Variants in ARMCX5 observed in about 807,000 individuals in gnomAD.
ARMCX5 encodes the protein armadillo repeat containing X-linked 5, also known as armadillo repeat-containing X-linked protein 5.
Under a neutral mutation model 7.5 loss-of-function variants are expected in ARMCX5, and 1 was observed. The ratio of observed to expected loss-of-function variants is 0.13; its 90% CI spans 0.05 to 0.63. The LOEUF (loss-of-function observed/expected upper bound fraction) is 0.63, where lower values mean the gene tolerates loss of function less well. Ranked by LOEUF, ARMCX5 falls within the 30% of genes least tolerant of loss-of-function variation. The pLI, the probability that ARMCX5 is intolerant of heterozygous loss-of-function variation, is 0.86. For synonymous variants in ARMCX5, 149 were observed against 145.7 expected, an observed-to-expected ratio of 1.02 and a Z score of -0.16; for missense variants, 346 against 402.2, an observed-to-expected ratio of 0.86 and a Z score of 1.19.
Position 102,599,544 on chromosome X carries a change from G to A in ARMCX5, c.-725G>A, listed in dbSNP as rs746548618. ...CACTGCCGTTGTGGGTAACGCGGACGTGGAAGAACCTCGTCTGCGGAGGAA... is the reference window on the plus strand; with the variant it reads ...CACTGCCGTTGTGGGTAACGCGGACATGGAAGAACCTCGTCTGCGGAGGAA... On this transcript the variant is annotated 5_prime_UTR_variant, in exon 1 of 4. The change creates a new upstream start codon in the 5' untranslated region. Transcript: ENST00000473968. The A allele has an allele frequency of 2.7e-5, 3 of 110,348 alleles. No homozygotes were observed. In the Admixed American group the frequency reaches 2.9e-4, roughly 11 times the overall value. The allele number at this position is 110,348 out of a possible 1,213,427, so 9.1% of individuals were successfully genotyped here.
In ARMCX5 at chrX:102,603,953, A is replaced by G. The variant is rs1245170724; in HGVS notation, c.*135A>G. On this transcript the variant is annotated 3_prime_UTR_variant, in exon 4 of 4. Coordinates refer to ENST00000473968, the MANE Select transcript of ARMCX5 (RefSeq NM_001168478.2). Reference sequence around the variant, plus strand: ...GGAGGCAATTTTATGGATACCAATTAATCTTGAGATCCTGAACATGTGCTG... The same window carrying G: ...GGAGGCAATTTTATGGATACCAATTGATCTTGAGATCCTGAACATGTGCTG... The G allele has an allele frequency of 3.0e-5, 14 of 459,422 alleles. No individual in the cohort carries two copies. The East Asian group carries it at 5.0e-4, about 16-fold the overall frequency. The allele number at this position is 459,422 out of a possible 1,213,427, so 37.9% of individuals were successfully genotyped here.
chrX:102,603,896 A>G lies in ARMCX5; in HGVS notation c.*78A>G. ...AAACCAATGCATATTGTAATTATAA[A>G]TTCAATACTTATGTTTTCCATGTTG... On this transcript the variant is annotated 3_prime_UTR_variant, in exon 4 of 4. Coordinates refer to ENST00000473968, the MANE Select transcript of ARMCX5 (RefSeq NM_001168478.2). The G allele has an allele frequency of 1.6e-6, 1 of 640,785 alleles. No individual in the cohort carries two copies. The highest frequency in any genetic ancestry group is 3.5e-5 in the South Asian group (1 of 28,696). 52.8% of individuals were successfully genotyped at this position (640,785 alleles called of 1,213,427 possible).
In ARMCX5 at chrX:102,603,491, T is replaced by C; in HGVS notation, c.1350T>C (p.Phe450=). The C allele has an allele frequency of 8.3e-7, 1 of 1,209,976 alleles. No individual in the cohort carries two copies. Among genetic ancestry groups the C allele is most frequent in the Non-Finnish European group, 1.1e-6 (1 of 894,009 alleles). The part of the protein sequence containing the change: ...LLNKGSVKTK[F]YVLKVFSCLS... ...ACAAGGGAAGTGTCAAAACCAAGTT[T>C]TATGTTTTAAAAGTGTTTTCGTGTT... is the stretch of plus-strand genomic sequence containing the variant. Residue 450 remains phenylalanine, a synonymous_variant, in exon 4 of 4, where the codon TTT becomes TTC. Transcript: ENST00000473968.
intron 3 of ARMCX5, 52 bp downstream of exon 3, chrX:102,601,561 G>A (rs1261924817): frequency 8.8e-6 from 1 of 113,027 alleles, no homozygotes; most frequent in Non-Finnish European, 1.8e-5. Flanking sequence ...TGAGTGTGGG[G>A]ATTGCCTGGG....
chrX:102,603,455 C>T lies in ARMCX5; in HGVS notation c.1314C>T (p.Leu438=). 8.3e-7 allele frequency: 1 copy of T among 1,207,692 alleles called. No individual in the cohort carries two copies. Among genetic ancestry groups the T allele is most frequent in the Non-Finnish European group, 1.1e-6 (1 of 892,238 alleles). ...TTACCAGTTATATTCCAGATTTCCT[C>T]ACCTTGTTAAACAAGGGAAGTGTCA... The part of the protein sequence containing the change: ...YVITSYIPDF[L]TLLNKGSVKT... The change falls in exon 4 of 4, where the codon CTC becomes CTT. Residue 438 remains leucine, a synonymous_variant. Coordinates refer to ENST00000473968, the MANE Select transcript of ARMCX5 (RefSeq NM_001168478.2).
intron 2 of ARMCX5, 51 bp downstream of exon 2, chrX:102,601,083 A>T (rs2081034546): frequency 8.9e-6 from 1 of 111,987 alleles, no homozygotes; most frequent in African/African-American, 3.3e-5. Context: ...AGAGAATTCC[A>T]TCTCTTCTGT....
upstream of ARMCX5, chrX:102,599,374 G>C (rs1391486236): frequency 1.8e-5 from 2 of 110,926 alleles, no homozygotes; most frequent in Non-Finnish European, 3.8e-5. Flanking sequence ...TCCGGAATTC[G>C]TCCCTGCGCA....
Position 102,602,743 on chromosome X carries a change from C to G in ARMCX5, c.602C>G (p.Pro201Arg), listed in dbSNP as rs2081056620. 3 of 1,210,530 alleles carry G rather than the reference C, an allele frequency of 2.5e-6. No homozygotes were observed. In the East Asian group the frequency reaches 8.9e-5, roughly 36 times the overall value. Residue 201 changes from proline to arginine, a missense_variant, in exon 4 of 4, where the codon CCT (proline) becomes CGT (arginine). Transcript: ENST00000473968. Reference protein sequence around the residue: ...ETSLQVYKPLPKIQEKPKPTH... With the variant: ...ETSLQVYKPLRKIQEKPKPTH... ...TCTCTTCAAGTTTATAAGCCCCTAC[C>G]TAAGATCCAGGAAAAGCCCAAGCCC...
chrX:102,602,360 G>C lies in ARMCX5; in HGVS notation c.219G>C (p.Val73=). The change falls in exon 4 of 4, where the codon GTG becomes GTC. Residue 73 remains valine, a synonymous_variant. Coordinates refer to ENST00000473968, the MANE Select transcript of ARMCX5 (RefSeq NM_001168478.2). Reference sequence around the variant, plus strand: ...TGACCTACAGGGAGGCTATGGCTGTGACAAGGGAAGTGATCAAGGTGGAAG... The same window carrying C: ...TGACCTACAGGGAGGCTATGGCTGTCACAAGGGAAGTGATCAAGGTGGAAG... ...HTVTYREAMA[V]TREVIKVEDT... The C allele has an allele frequency of 8.3e-7, 1 of 1,211,622 alleles. No homozygotes were observed. Among genetic ancestry groups the C allele is most frequent in the Non-Finnish European group, 1.1e-6 (1 of 895,263 alleles).
chrX:102,600,132 G>A (rs1052469399), intron 1 of ARMCX5: 12 of 104,755 alleles, frequency 1.1e-4, no homozygotes, highest in Non-Finnish European at 1.4e-4. Context: ...GAGGACAGTT[G>A]TCTGGGGAGC....
rs2081071464 is a variant in ARMCX5 at position 102,603,675 on chromosome X, T to A, written c.1534T>A (p.Phe512Ile). Residue 512 changes from phenylalanine (F) to isoleucine (I), a missense_variant, in exon 4 of 4, where the codon TTT (phenylalanine) becomes ATT (isoleucine). Around this residue, in one of 3 missense-constraint regions of ARMCX5, gnomAD observed 139 missense variants for 141.1 expected, o/e 0.99. Coordinates refer to ENST00000473968, the MANE Select transcript of ARMCX5 (RefSeq NM_001168478.2). ...NFQFKTKAKL[F>I]TKEKFTKSEL... The stretch of plus-strand genomic sequence containing the variant: ...TCAGTTCAAAACAAAGGCAAAGCTA[T>A]TTACCAAGGAAAAGTTCACTAAATC... 8.4e-7 allele frequency: 1 copy of A among 1,196,960 alleles called. No homozygotes were observed.
rs2081052459 is a variant in ARMCX5 at position 102,602,464 on chromosome X, C to T, written c.323C>T (p.Ser108Leu). The T allele has an allele frequency of 8.3e-7, 1 of 1,211,689 alleles. No homozygotes were observed. Among genetic ancestry groups the T allele is most frequent in the Non-Finnish European group, 1.1e-6 (1 of 895,372 alleles). Residue 108 changes from serine to leucine, a missense_variant, in exon 4 of 4, where the codon TCA (serine) becomes TTA (leucine). By Grantham distance (145) the Ser-to-Leu change is moderately radical (BLOSUM62 -2). Transcript: ENST00000473968. ...AERSIVPQTK[S>L]KAMPMSRVST... ...CGCAGTATAGTGCCACAAACCAAGT[C>T]AAAGGCCATGCCTATGTCTAGGGTC...
In ARMCX5 at chrX:102,602,567, T is replaced by A. The variant is rs776569480; in HGVS notation, c.426T>A (p.Asp142Glu). ...ANIRSYAKSH[D>E]KANTGSRPDR... ...TTAGGTCCTATGCCAAGTCACATGA[T>A]AAGGCCAATACTGGGTCCAGACCTG... is the stretch of plus-strand genomic sequence containing the variant. The change falls in exon 4 of 4, where the codon GAT (aspartate) becomes GAA (glutamate). Residue 142 changes from aspartate (D) to glutamate (E), a missense_variant. Coordinates refer to ENST00000473968, the MANE Select transcript of ARMCX5 (RefSeq NM_001168478.2). 1 of 1,211,155 alleles carries A rather than the reference T, an allele frequency of 8.3e-7. No homozygotes were observed. The highest frequency in any genetic ancestry group is 1.8e-5 in the South Asian group (1 of 56,954).
Position 102,603,244 on chromosome X carries a change from A to G in ARMCX5, c.1103A>G (p.Glu368Gly). The change falls in exon 4 of 4, where the codon GAA becomes GGA. Residue 368 changes from glutamate (E) to glycine (G), a missense_variant. Glu to Gly is a moderately conservative substitution (Grantham distance 98). Coordinates refer to ENST00000473968, the MANE Select transcript of ARMCX5 (RefSeq NM_001168478.2). ...TTGGTCAATAATCCCAATGTTAAAG[A>G]ACACCCTGGAGCTTTAAGTATGGTG... ...ENLVNNPNVK[E>G]HPGALSMVDD... 4 of 1,210,992 alleles carry G rather than the reference A, an allele frequency of 3.3e-6. No homozygotes were observed. The highest frequency in any genetic ancestry group is 4.5e-6 in the Non-Finnish European group (4 of 895,051).
At position 102,603,679 on chromosome X, in the gene ARMCX5, C is replaced by A. The variant is rs1293626733; in HGVS notation, c.1538C>A (p.Thr513Asn). The change falls in exon 4 of 4, where the codon ACC becomes AAC. Residue 513 changes from threonine (T) to asparagine (N), a missense_variant. By Grantham distance (65) the Thr-to-Asn change is moderately conservative (BLOSUM62 0). Transcript: ENST00000473968. ...TTCAAAACAAAGGCAAAGCTATTTACCAAGGAAAAGTTCACTAAATCTGAG... is the reference window on the plus strand; with the variant it reads ...TTCAAAACAAAGGCAAAGCTATTTAACAAGGAAAAGTTCACTAAATCTGAG... ...FQFKTKAKLFTKEKFTKSELI... is the reference protein window; with the variant it reads ...FQFKTKAKLFNKEKFTKSELI... The A allele has an allele frequency of 8.4e-7, 1 of 1,197,483 alleles. No homozygotes were observed. Among genetic ancestry groups the A allele is most frequent in the East Asian group, 3.0e-5 (1 of 33,748 alleles).
rs2095182004 is a variant in ARMCX5, at chrX:102,603,457, C to A, written c.1316C>A (p.Thr439Asn). 8.3e-7 allele frequency: 1 copy of A among 1,207,911 alleles called. No homozygotes were observed. Among genetic ancestry groups the A allele is most frequent in the Non-Finnish European group, 1.1e-6 (1 of 892,521 alleles). Residue 439 changes from threonine (T) to asparagine (N), a missense_variant, in exon 4 of 4, where the codon ACC becomes AAC. Coordinates refer to ENST00000473968, the MANE Select transcript of ARMCX5 (RefSeq NM_001168478.2). ...ACCAGTTATATTCCAGATTTCCTCA[C>A]CTTGTTAAACAAGGGAAGTGTCAAA... The part of the protein sequence containing the change: ...VITSYIPDFL[T>N]LLNKGSVKTK...
In ARMCX5 at chrX:102,601,989, C is replaced by A; in HGVS notation, c.-153C>A. On this transcript the variant is annotated 5_prime_UTR_variant, in exon 4 of 4. The change creates a new upstream start codon in the 5' untranslated region. Coordinates refer to ENST00000473968, the MANE Select transcript of ARMCX5 (RefSeq NM_001168478.2). ...CTTCCCTACCTTGAGTGAGCTTCCT[C>A]TGCATGTTTTCTATATCACTGGCAG... is the stretch of plus-strand genomic sequence containing the variant. 2.0e-6 allele frequency: 1 copy of A among 507,706 alleles called. No homozygotes were observed. Among genetic ancestry groups the A allele is most frequent in the South Asian group, 3.3e-5 (1 of 30,413 alleles). 41.8% of individuals were successfully genotyped at this position (507,706 alleles called of 1,213,427 possible).
At position 102,603,512 on chromosome X, in the gene ARMCX5, G is replaced by C. The variant is rs753977337; in HGVS notation, c.1371G>C (p.Ser457=). 8.3e-7 allele frequency: 1 copy of C among 1,209,874 alleles called. No individual in the cohort carries two copies. The highest frequency in any genetic ancestry group is 1.1e-6 in the Non-Finnish European group (1 of 893,949). The part of the protein sequence containing the change: ...KTKFYVLKVF[S]CLSKNHANTR... Reference sequence around the variant, plus strand: ...AGTTTTATGTTTTAAAAGTGTTTTCGTGTTTGTCTAAAAATCACGCCAATA... The same window carrying C: ...AGTTTTATGTTTTAAAAGTGTTTTCCTGTTTGTCTAAAAATCACGCCAATA... The change falls in exon 4 of 4, where the codon TCG becomes TCC. Residue 457 remains serine (S), a synonymous_variant. Coordinates refer to ENST00000473968, the MANE Select transcript of ARMCX5 (RefSeq NM_001168478.2).
chrX:102,603,116 T>A lies in ARMCX5; in HGVS notation c.975T>A (p.Pro325=), dbSNP rs1324112529. The A allele has an allele frequency of 8.3e-7, 1 of 1,209,070 alleles. No homozygotes were observed. Among genetic ancestry groups the A allele is most frequent in the Non-Finnish European group, 1.1e-6 (1 of 894,173 alleles). Residue 325 remains proline (P), a synonymous_variant, in exon 4 of 4, where the codon CCT becomes CCA. Coordinates refer to ENST00000473968, the MANE Select transcript of ARMCX5 (RefSeq NM_001168478.2). ...LVALLKLTKD[P]FIHEIATMIM... is the part of the protein sequence containing the mutation. ...CCCTCCTTAAGTTAACTAAGGATCC[T>A]TTCATTCATGAAATAGCTACAATGA...
Sources: gnomAD v4.1 joint callset for allele counts on GRCh38, gnomAD v4.1.1 for gene constraint, gnomAD v4.1.1 regional missense constraint, MANE v1.5 for transcripts, NCBI Gene and HGNC (gene_info 2026-07-23, HGNC 2026-07-21) for gene names.